DYRK4: variants seen among roughly 807,000 people sequenced by gnomAD.
The protein encoded by DYRK4 is dual specificity tyrosine-phosphorylation-regulated kinase 4.
Under a neutral mutation model 68.3 loss-of-function variants are expected in DYRK4, and 64 were observed. That is an observed-to-expected ratio of 0.94 (90% confidence interval 0.77 to 1.15). The LOEUF is 1.15. DYRK4 is among the 50% of genes most tolerant of loss of function. The probability of loss-of-function intolerance (pLI) is 0.00; values close to 1 mark genes in which losing one functional copy is unlikely to be tolerated. For missense variants in DYRK4, 740 were observed against 764.7 expected (o/e 0.97, Z 0.38); for synonymous variants, 274 against 289.9 (o/e 0.95, Z 0.56).
chr12:4,575,280 A>G (rs1394756110), intron 2 of DYRK4, among the ~76,000 whole-genome samples: 2 of 74,534 alleles, frequency 2.7e-5, no homozygotes, highest in African/African-American at 9.5e-5. Flanking sequence ...TAGCTTGCCA[A>G]TTTACTAACA....
At position 4,593,024 on chromosome 12, in the gene DYRK4, C is replaced by A. The variant is rs750893511; in HGVS notation, c.486C>A (p.Asn162Lys). 2 of 1,613,844 alleles carry A rather than the reference C, an allele frequency of 1.2e-6. No homozygotes were observed. Among genetic ancestry groups the A allele is most frequent in the Non-Finnish European group, 1.7e-6 (2 of 1,179,934 alleles). Residue 162 changes from asparagine (N) to lysine (K), a missense_variant, in exon 6 of 15, where the codon AAC becomes AAA. Coordinates refer to ENST00000543431, the MANE Select transcript of DYRK4 (RefSeq NM_001394779.1). ...CAGAGGCCCTAAAGCTTTTTAAGAA[C>A]CAGCTGTCTCCATATGAACAAAGTG... ...TAAEALKLFK[N>K]QLSPYEQSEI... is the part of the protein sequence containing the mutation.
At chr12:4,594,804 C>T (rs1053038989) in intron 6 of DYRK4, among the ~76,000 whole-genome samples, 1 of 151,728 alleles carries the variant, frequency 6.6e-6, no homozygotes, top group Non-Finnish European at 1.5e-5. Flanking sequence ...TTCCAGTACA[C>T]ACACAAATAC....
At position 4,593,140 on chromosome 12, in the gene DYRK4, A is replaced by G; in HGVS notation, c.602A>G (p.Asp201Gly). Residue 201 changes from aspartate (D) to glycine (G), a missense_variant, in exon 6 of 15, where the codon GAT (aspartate) becomes GGT (glycine). Physicochemically the swap from Asp to Gly is moderately conservative, Grantham distance 94. This residue lies in a region of DYRK4 where 614 missense variants were observed against 603.7 expected (regional missense o/e 1.02). Coordinates refer to ENST00000543431, the MANE Select transcript of DYRK4 (RefSeq NM_001394779.1). The part of the protein sequence containing the change: ...APEKFSKTSF[D>G]DEHGFYLKVL... ...GAGAAATTTAGCAAGACGAGTTTTG[A>G]TGATGAGCATGGCTTCTATCTGAAG... is the stretch of plus-strand genomic sequence containing the variant. 2 of 1,613,940 alleles carry G rather than the reference A, an allele frequency of 1.2e-6. No homozygotes were observed. The highest frequency in any genetic ancestry group is 2.2e-5 in the South Asian group (2 of 91,062).
chr12:4,565,517 G>A (rs546270061), intron 1 of DYRK4, among the ~76,000 whole-genome samples: 1 of 152,316 alleles, frequency 6.6e-6, no homozygotes, highest in African/African-American at 2.4e-5. Context: ...TTGTGACGAG[G>A]CTCCATGATT....
At chr12:4,612,771 C>G in intron 14 of DYRK4, 53 bp downstream of exon 14, 1 of 1,581,432 alleles carries the variant, frequency 6.3e-7, no homozygotes, top group East Asian at 2.2e-5. Flanking sequence ...AATTAATATT[C>G]TAGAATTCTG....
At chr12:4,565,050 A>T (rs1944663157) in intron 1 of DYRK4, among the ~76,000 whole-genome samples, 1 of 152,236 alleles carries the variant, frequency 6.6e-6, no homozygotes, top group African/African-American at 2.4e-5. Context: ...TTTTGGTTTC[A>T]GTTCTCAAAG....
chr12:4,573,285 G>T, intron 2 of DYRK4: 1 of 1,286,550 alleles, frequency 7.8e-7, no homozygotes, highest in Non-Finnish European at 1.0e-6. Context: ...ATGGATTTGG[G>T]GTCCTGAAGG....
At chr12:4,587,779 A>G (rs1472764002) in intron 2 of DYRK4, among the ~76,000 whole-genome samples, 1 of 152,192 alleles carries the variant, frequency 6.6e-6, no homozygotes, top group African/African-American at 2.4e-5. Context: ...TGCAGGACTT[A>G]GCTGTGCTGG....
chr12:4,596,271 C>G lies in DYRK4; in HGVS notation c.750C>G (p.Ile250Met). Reference sequence around the variant, plus strand: ...ATGAGCTGGTGGCCCTGAAAATCATCAGGAACAAGAAGAGGTGTGGCTTGG... The same window carrying G: ...ATGAGCTGGTGGCCCTGAAAATCATGAGGAACAAGAAGAGGTGTGGCTTGG... ...KNNELVALKIIRNKKRFHQQA... is the reference protein window; with the variant it reads ...KNNELVALKIMRNKKRFHQQA... Residue 250 changes from isoleucine to methionine, a missense_variant, in exon 7 of 15, where the codon ATC becomes ATG. Physicochemically the swap from Ile to Met is conservative, Grantham distance 10. Around this residue, in one of 3 missense-constraint regions of DYRK4, gnomAD observed 614 missense variants for 603.7 expected, o/e 1.02. Coordinates refer to ENST00000543431, the MANE Select transcript of DYRK4 (RefSeq NM_001394779.1). 1 of 1,614,190 alleles carries G rather than the reference C, an allele frequency of 6.2e-7. No individual in the cohort carries two copies.
chr12:4,604,603 C>G (rs1945118899), intron 10 of DYRK4, among the ~76,000 whole-genome samples: 1 of 152,196 alleles, frequency 6.6e-6, no homozygotes, highest in Non-Finnish European at 1.5e-5. Flanking sequence ...AGTTTGAAAA[C>G]TTAGTCTTAT....
Position 4,590,411 on chromosome 12 carries a change from G to A in DYRK4, c.295G>A (p.Val99Ile). 6.5e-7 allele frequency: 1 copy of A among 1,536,042 alleles called. No homozygotes were observed. The highest frequency in any genetic ancestry group is 8.7e-7 in the Non-Finnish European group (1 of 1,146,866). Residue 99 changes from valine (V) to isoleucine (I), a missense_variant, in exon 4 of 15, where the codon GTC becomes ATC. Physicochemically the swap from Val to Ile is conservative, Grantham distance 29. Around this residue, in one of 3 missense-constraint regions of DYRK4, gnomAD observed 56 missense variants for 89.9 expected, o/e 0.62. Transcript: ENST00000543431. ...TVSFPHISKK[V>I]LLKSSLLYQE... ...AAGCTTCCCACACATTAGCAAGAAA[G>A]TCCTGCTGAAGTCATCCCTGCTGTA...
At chr12:4,589,785 A>AATC (rs1384507515) in intron 3 of DYRK4, among the ~76,000 whole-genome samples, 1 of 152,202 alleles carries the variant, frequency 6.6e-6, no homozygotes, top group African/African-American at 2.4e-5. Flanking sequence ...TCTCCTGATT[A>AATC]ATCAGTCAAT....
At chr12:4,573,253 C>A (rs1944750818) in intron 2 of DYRK4, 2 of 1,204,764 alleles carry the variant, frequency 1.7e-6, no homozygotes, top group Non-Finnish European at 1.1e-6. Flanking sequence ...GCATTTACTT[C>A]TATATAATGT....
intron 8 of DYRK4, 43 bp from the exon 9 acceptor site, chr12:4,598,985 G>T: frequency 1.2e-6 from 2 of 1,609,284 alleles, no homozygotes; most frequent in Non-Finnish European, 1.7e-6. Context: ...AGCCTTATAT[G>T]TTTTTTTACA....
At position 4,613,814 on chromosome 12, in the gene DYRK4, T is replaced by C. The variant is rs1469087435; in HGVS notation, c.*61T>C. ...GTGATTTGTATTAAGACAGCACTTA[T>C]ATTGTACAATACTTCAGACTGTTTT... On this transcript the variant is annotated 3_prime_UTR_variant, in exon 15 of 15. Transcript: ENST00000543431. The surrounding 1 kb of genome is among the most constrained non-coding windows in gnomAD (Gnocchi z 4.0). 19 of 1,426,428 alleles carry C rather than the reference T, an allele frequency of 1.3e-5. No individual in the cohort carries two copies. In the East Asian group the frequency reaches 2.6e-4, roughly 20 times the overall value. The allele number at this position is 1,426,428 out of a possible 1,614,324, so 88.4% of individuals were successfully genotyped here.
At chr12:4,609,646 T>C (rs1945194927) in intron 12 of DYRK4, among the ~76,000 whole-genome samples, 2 of 152,168 alleles carry the variant, frequency 1.3e-5, no homozygotes, top group Non-Finnish European at 2.9e-5. Flanking sequence ...AACAATTACA[T>C]GATCATGACT....
chr12:4,585,686 G>A (rs1285746855), intron 2 of DYRK4, among the ~76,000 whole-genome samples: 1 of 151,986 alleles, frequency 6.6e-6, no homozygotes, highest in African/African-American at 2.4e-5. Flanking sequence ...TAAATGATGA[G>A]TTAATGGGTG....
Position 4,562,314 on chromosome 12 carries a change from G to A in DYRK4, c.38+31G>A, listed in dbSNP as rs531958075. On this transcript the variant is annotated intron_variant, in intron 1 of 14. Transcript: ENST00000543431. ...GGCCGCGGAGGCTCGTACTTCACGAGCAGTCAGGCGCGAGTACGAGGCAGG... is the reference window on the plus strand; with the variant it reads ...GGCCGCGGAGGCTCGTACTTCACGAACAGTCAGGCGCGAGTACGAGGCAGG... The A allele has an allele frequency of 5.9e-6, 9 of 1,528,252 alleles. No individual in the cohort carries two copies. In the East Asian group the frequency reaches 2.2e-4, roughly 38 times the overall value. The allele number at this position is 1,528,252 out of a possible 1,614,324, so 94.7% of individuals were successfully genotyped here. A position where few individuals can be genotyped will look rare whatever the true frequency, so the allele number is the denominator to read the frequency against.
chr12:4,573,484 G>A (rs1329478759), intron 2 of DYRK4: 4 of 992,768 alleles, frequency 4.0e-6, no homozygotes, highest in Non-Finnish European at 4.1e-6. Context: ...GGAATTGGCG[G>A]GTGGGGGCAT....
Sources: allele counts gnomAD v4.1 joint callset (sites outside exome capture counted in the v4.1 genomes callset), GRCh38; gene constraint gnomAD v4.1.1; regional missense constraint gnomAD v4.1.1; non-coding constraint Gnocchi (gnomAD v3.1); transcripts MANE v1.5; gene names NCBI Gene and HGNC (gene_info 2026-07-23, HGNC 2026-07-21).